Variants in RAP1GAP2 observed in about 807,000 individuals in gnomAD.
RAP1GAP2 encodes the protein rap1 GTPase-activating protein 2.
In RAP1GAP2, 27 loss-of-function variants were observed where a neutral mutation model predicts 95.0. The observed-to-expected ratio is 0.28, with a 90% CI of 0.21 to 0.39. The LOEUF is 0.39. Among genes scored for constraint, RAP1GAP2 ranks in the 10% least tolerant of loss-of-function variants. RAP1GAP2 has a pLI of 1.00. For missense variants in RAP1GAP2, 771 were observed against 970.0 expected (o/e 0.79, Z 2.72); for synonymous variants, 373 against 380.9 (o/e 0.98, Z 0.24).
intron 2 of RAP1GAP2, among the ~76,000 whole-genome samples, chr17:2,879,921 A>C (rs2073227347): frequency 6.6e-6 from 1 of 151,930 alleles, no homozygotes; most frequent in South Asian, 2.1e-4. Context: ...CTGTCTGTTC[A>C]TGTCTCCCAA....
intron 3 of RAP1GAP2, among the ~76,000 whole-genome samples, chr17:2,914,785 C>T (rs919204810): frequency 6.2e-5 from 9 of 146,184 alleles, no homozygotes; most frequent in Non-Finnish European, 1.2e-4. Context: ...CCACTGTGCC[C>T]GGCCACTTCT....
At chr17:2,815,438 C>T (rs910944939) in intron 2 of RAP1GAP2, among the ~76,000 whole-genome samples, 5 of 149,168 alleles carry the variant, frequency 3.4e-5, no homozygotes, top group Admixed American at 1.4e-4. Context: ...ACACATGTAA[C>T]CTGCCTTAAC....
intron 3 of RAP1GAP2, among the ~76,000 whole-genome samples, chr17:2,950,264 C>A (rs2043870761): frequency 6.6e-6 from 1 of 152,074 alleles, no homozygotes; most frequent in Non-Finnish European, 1.5e-5. Context: ...GTTGGCCAGG[C>A]TGGTCTCAAA....
rs571320425 is a variant in RAP1GAP2, at chr17:2,852,083, T to C, written c.80+51533T>C. On this transcript the variant is annotated intron_variant, in intron 2 of 24. Transcript: ENST00000254695. ...CTGTGGGTCCTCGGGTGCTGTGTGC[T>C]ATAGCGCGGTGGGAGAGAGGGGAAG... 7.2e-5 allele frequency among the ~76,000 whole-genome samples: 11 copies of C among 152,318 alleles called. 1 individual carries two copies. In the South Asian group the frequency reaches 2.1e-3, roughly 29 times the overall value.
chr17:2,932,768 A>G (rs1426040463), intron 3 of RAP1GAP2, among the ~76,000 whole-genome samples: 1 of 142,026 alleles, frequency 7.0e-6, no homozygotes, highest in Non-Finnish European at 1.5e-5. Context: ...CAGTGAGCCA[A>G]GATTGCACCA....
chr17:3,007,083 G>T (rs2046366741), intron 16 of RAP1GAP2, among the ~76,000 whole-genome samples: 1 of 152,102 alleles, frequency 6.6e-6, no homozygotes, highest in East Asian at 1.9e-4. Flanking sequence ...ATGGTAGACA[G>T]CATGAGCAAA....
chr17:2,979,323 C>T (rs536640278), intron 8 of RAP1GAP2, among the ~76,000 whole-genome samples: 35 of 152,100 alleles, frequency 2.3e-4, no homozygotes, highest in Non-Finnish European at 3.8e-4. Context: ...AATTTCATGA[C>T]GAAACCCAAA....
At chr17:2,762,951 C>G (rs2071283832) in intron 1 of RAP1GAP2, among the ~76,000 whole-genome samples, 1 of 152,092 alleles carries the variant, frequency 6.6e-6, no homozygotes, top group Non-Finnish European at 1.5e-5. Context: ...ACTGGGACTA[C>G]AGGTGTGAGC....
At chr17:3,020,157 C>T (rs918724165) in intron 18 of RAP1GAP2, among the ~76,000 whole-genome samples, 6 of 152,212 alleles carry the variant, frequency 3.9e-5, no homozygotes, top group Non-Finnish European at 7.3e-5. Flanking sequence ...GGCTCTGTGC[C>T]TCTCAGCCTG....
intron 2 of RAP1GAP2, among the ~76,000 whole-genome samples, chr17:2,885,605 C>A (rs1291121515): frequency 6.6e-6 from 1 of 152,178 alleles, no homozygotes; most frequent in African/African-American, 2.4e-5. Context: ...TTTGGCAGCT[C>A]CTCGCATCCC....
chr17:2,940,688 C>G (rs2043462673), intron 3 of RAP1GAP2, among the ~76,000 whole-genome samples: 1 of 152,212 alleles, frequency 6.6e-6, no homozygotes, highest in East Asian at 1.9e-4. Flanking sequence ...GCAGACGCCC[C>G]TTCCAGCTTT....
At chr17:2,946,777 CAG>C (rs547384613) in intron 3 of RAP1GAP2, among the ~76,000 whole-genome samples, 9 of 152,244 alleles carry the variant, frequency 5.9e-5, no homozygotes, top group African/African-American at 2.2e-4. Flanking sequence ...ATTTTTGAGA[CAG>C]AGTTTTGCTC....
At chr17:3,007,868 C>T (rs2046384796) in intron 16 of RAP1GAP2, 143 bp from the exon 17 acceptor site, 1 of 974,714 alleles carries the variant, frequency 1.0e-6, no homozygotes, top group Non-Finnish European at 1.5e-6. Flanking sequence ...GCACGAAGCT[C>T]AGCTCAGCAG....
chr17:2,883,348 G>C (rs1369709910), intron 2 of RAP1GAP2, among the ~76,000 whole-genome samples: 1 of 152,202 alleles, frequency 6.6e-6, no homozygotes, highest in African/African-American at 2.4e-5. Context: ...TTTCTCTCGG[G>C]GTTCTGGGAG....
chr17:3,007,889 C>G (rs2046385619), intron 16 of RAP1GAP2, 122 bp from the exon 17 acceptor site: 1 of 1,229,534 alleles, frequency 8.1e-7, no homozygotes, highest in South Asian at 1.5e-5. Context: ...TAGGTCCACA[C>G]CGTTGCTGGG....
intron 2 of RAP1GAP2, among the ~76,000 whole-genome samples, chr17:2,897,414 C>CTT (rs374789936): frequency 1.3e-5 from 2 of 149,732 alleles, no homozygotes; most frequent in African/African-American, 4.9e-5. Flanking sequence ...CTCCTGGAGA[C>CTT]TTTTTTTTTT....
intron 2 of RAP1GAP2, among the ~76,000 whole-genome samples, chr17:2,822,003 C>T (rs1214201289): frequency 6.6e-6 from 1 of 152,120 alleles, no homozygotes; most frequent in Non-Finnish European, 1.5e-5. Context: ...AAAGCCAGTG[C>T]CACCGGGTGG....
rs1173468917 is a variant in RAP1GAP2 at position 3,029,350 on chromosome 17, A to G, written c.2108-1572A>G. ...ACCACACGGTGAGGCTGCCTCTTAC[A>G]CACCTTTTCTCCACACAGTATTTAA... On this transcript the variant is annotated intron_variant, in intron 22 of 24. Transcript: ENST00000254695. The surrounding 1 kb of genome is among the most constrained non-coding windows in gnomAD (Gnocchi z 4.4). Among the ~76,000 whole-genome samples the G allele has an allele frequency of 6.6e-6, 1 of 152,008 alleles. No homozygotes were observed. Among genetic ancestry groups the G allele is most frequent in the East Asian group, 1.9e-4 (1 of 5,166 alleles).
rs2044536772 is a variant in RAP1GAP2, at chr17:2,965,189, G to C, written c.493-351G>C. 1.2e-5 allele frequency: 3 copies of C among 258,328 alleles called. No homozygotes were observed. In the South Asian group the frequency reaches 1.7e-4, roughly 15 times the overall value. The allele number at this position is 258,328 out of a possible 1,614,324, so 16.0% of individuals were successfully genotyped here. ...GAACTTGCCCTTCAGAGTCAAGACA[G>C]CTGTGCGTTTGAACCCTGGATCTGT... On this transcript the variant is annotated intron_variant, in intron 7 of 24. Coordinates refer to ENST00000254695, the MANE Select transcript of RAP1GAP2 (RefSeq NM_015085.5). This position sits in a 1 kb window ranked among gnomAD's most constrained non-coding sequence, Gnocchi z 4.7.
Sources: gnomAD v4.1 joint callset for allele counts (sites outside exome capture counted in the v4.1 genomes callset) on GRCh38, gnomAD v4.1.1 for gene constraint, Gnocchi (gnomAD v3.1) non-coding constraint, MANE v1.5 for transcripts, NCBI Gene and HGNC (gene_info 2026-07-23, HGNC 2026-07-21) for gene names.